SAMD12: variants seen among roughly 807,000 people sequenced by gnomAD.
SAMD12 encodes sterile alpha motif domain-containing protein 12.
Under a neutral mutation model 15.0 loss-of-function variants are expected in SAMD12, and 9 were observed. The ratio of observed to expected loss-of-function variants is 0.60; its 90% CI spans 0.36 to 1.05. The LOEUF is 1.05. Ranked by LOEUF, SAMD12 falls within the 50% of genes least tolerant of loss-of-function variation. SAMD12 has a pLI of 0.01. For synonymous variants in SAMD12, 86 were observed against 90.1 expected (o/e 0.96, Z 0.25); for missense variants, 230 against 234.2 (o/e 0.98, Z 0.12).
chr8:118,599,498 T>G (rs1343964887), intron 1 of SAMD12, among the ~76,000 whole-genome samples: 2 of 152,180 alleles, frequency 1.3e-5, no homozygotes, highest in Non-Finnish European at 2.9e-5. Context: ...TGCGGAGCGC[T>G]GCTGGTACCG....
At chr8:118,471,650 CA>C (rs1218163099) in intron 2 of SAMD12, among the ~76,000 whole-genome samples, 1 of 152,190 alleles carries the variant, frequency 6.6e-6, no homozygotes, top group East Asian at 1.9e-4. Context: ...AAGAAAACTA[CA>C]GTTAAGCAAA....
intron 4 of SAMD12, among the ~76,000 whole-genome samples, chr8:118,226,762 GCA>G (rs1342046626): frequency 6.6e-6 from 1 of 152,192 alleles, no homozygotes; most frequent in Non-Finnish European, 1.5e-5. Flanking sequence ...TTCCATGGGT[GCA>G]CAGAGAAGGT....
chr8:118,607,757 A>G (rs1266570334), intron 1 of SAMD12, among the ~76,000 whole-genome samples: 1 of 152,194 alleles, frequency 6.6e-6, no homozygotes, highest in East Asian at 1.9e-4. Flanking sequence ...AATATTTTTC[A>G]TATTTTGTAG....
chr8:118,621,687 C>T, intron 1 of SAMD12, 117 bp downstream of exon 1: 1 of 1,190,182 alleles, frequency 8.4e-7, no homozygotes, highest in African/African-American at 1.5e-5. Context: ...AGGAAGGGGC[C>T]CGCTCTCCGC....
the SAMD12 span, among the ~76,000 whole-genome samples, chr8:118,146,352 T>A: frequency 4.6e-5 from 7 of 152,228 alleles, no homozygotes; most frequent in Admixed American, 2.0e-4. Flanking sequence ...GCTGGAGAAG[T>A]ACATGGGGGT....
At chr8:118,330,898 C>T (rs1052670521) in intron 4 of SAMD12, among the ~76,000 whole-genome samples, 5 of 152,004 alleles carry the variant, frequency 3.3e-5, no homozygotes, top group African/African-American at 1.2e-4. Flanking sequence ...TAGTAAAAGC[C>T]CTGACTCCAC....
chr8:118,397,704 A>T (rs1474196045), intron 3 of SAMD12, among the ~76,000 whole-genome samples: 1 of 152,154 alleles, frequency 6.6e-6, no homozygotes, highest in African/African-American at 2.4e-5. Flanking sequence ...AACTATGAAC[A>T]ATTTCTCATT....
chr8:118,362,135 A>T (rs868369504), intron 4 of SAMD12, among the ~76,000 whole-genome samples: 10 of 152,116 alleles, frequency 6.6e-5, no homozygotes, highest in Admixed American at 2.6e-4. Flanking sequence ...AAGAGAATTG[A>T]AAAGAAAAGG....
At chr8:118,302,972 C>T (rs114108157) in intron 4 of SAMD12, among the ~76,000 whole-genome samples, 5 of 152,076 alleles carry the variant, frequency 3.3e-5, no homozygotes, top group East Asian at 1.9e-4. Context: ...ATTATAAAGC[C>T]GTATGTGATA....
At chr8:118,165,601 TAC>T in the SAMD12 span, among the ~76,000 whole-genome samples, 1 of 90,014 alleles carries the variant, frequency 1.1e-5, no homozygotes, top group Admixed American at 1.6e-4. Context: ...TATACATATA[TAC>T]ATATATATAT....
At chr8:118,292,818 A>G (rs867763382) in intron 4 of SAMD12, among the ~76,000 whole-genome samples, 5 of 149,340 alleles carry the variant, frequency 3.3e-5, no homozygotes, top group Admixed American at 6.8e-5. Context: ...ACCAAACACC[A>G]CATATTCTCA....
At chr8:118,348,457 G>A (rs905150263) in intron 4 of SAMD12, among the ~76,000 whole-genome samples, 15 of 151,424 alleles carry the variant, frequency 9.9e-5, no homozygotes, top group African/African-American at 2.4e-4. Context: ...CGCAAGCTCC[G>A]CCCCCCGGGG....
chr8:118,621,580 C>G (rs903032158), intron 1 of SAMD12: 2 of 593,630 alleles, frequency 3.4e-6, no homozygotes, highest in African/African-American at 3.7e-5. Flanking sequence ...CCTCCTACCT[C>G]AAAGTCCTAC....
chr8:118,350,515 TG>T (rs1438148304), intron 4 of SAMD12, among the ~76,000 whole-genome samples: 1 of 152,212 alleles, frequency 6.6e-6, no homozygotes, highest in African/African-American at 2.4e-5. Flanking sequence ...ACCTACTTCC[TG>T]GTGTGTATTT....
chr8:118,291,370 C>A (rs1018528491), intron 4 of SAMD12: 5 of 152,106 alleles, frequency 3.3e-5, no homozygotes, highest in Non-Finnish European at 7.4e-5. Flanking sequence ...CCCAGGCTGC[C>A]TGGGTGCTCC....
chr8:118,543,893 AG>A (rs1326083497), intron 2 of SAMD12, among the ~76,000 whole-genome samples: 1 of 152,060 alleles, frequency 6.6e-6, no homozygotes, highest in African/African-American at 2.4e-5. Context: ...CTTTATCTCC[AG>A]GGTCTCTCCA....
At chr8:118,461,937 C>T (rs1407418989) in intron 2 of SAMD12, among the ~76,000 whole-genome samples, 1 of 152,136 alleles carries the variant, frequency 6.6e-6, no homozygotes, top group Non-Finnish European at 1.5e-5. Flanking sequence ...AACACAGGCA[C>T]ATATGTTTAA....
intron 2 of SAMD12, among the ~76,000 whole-genome samples, chr8:118,548,899 C>G (rs1299849207): frequency 6.6e-6 from 1 of 152,250 alleles, no homozygotes; most frequent in African/African-American, 2.4e-5. Flanking sequence ...TTGGAGGGTC[C>G]TACGCCCACG....
At chr8:118,133,020 A>ATC in the SAMD12 span, among the ~76,000 whole-genome samples, 4 of 97,298 alleles carry the variant, frequency 4.1e-5, no homozygotes, top group African/African-American at 1.6e-4. Context: ...ATATATATAT[A>ATC]TATATATCTT....
Sources: gnomAD v4.1 joint callset for allele counts (sites outside exome capture counted in the v4.1 genomes callset) on GRCh38, gnomAD v4.1.1 for gene constraint, MANE v1.5 for transcripts, NCBI Gene and HGNC (gene_info 2026-07-23, HGNC 2026-07-21) for gene names.